Variants in GRK5 observed in about 807,000 individuals in gnomAD.
GRK5 encodes G protein-coupled receptor kinase 5.
In GRK5, 40 loss-of-function variants were observed where a neutral mutation model predicts 78.4. The ratio of observed to expected loss-of-function variants is 0.51; its 90% confidence interval spans 0.40 to 0.66. The LOEUF is 0.66. Among genes scored for constraint, GRK5 ranks in the 30% least tolerant of loss-of-function variants. The pLI, the probability that GRK5 is intolerant of heterozygous loss-of-function variation, is 0.00. For missense variants in GRK5, 598 were observed against 759.9 expected (o/e 0.79, Z 2.50); for synonymous variants, 289 against 296.8 (o/e 0.97, Z 0.27).
chr10:119,386,886 C>T (rs570859258), intron 3 of GRK5, among the ~76,000 whole-genome samples: 37 of 152,192 alleles, frequency 2.4e-4, no homozygotes, highest in Non-Finnish European at 4.3e-4. Context: ...ACTCGGCCAG[C>T]GCCATCCACG....
In GRK5 at chr10:119,281,584, CATCTTCTTCACAGGGAGGG is replaced by C. The variant is rs1215945341; in HGVS notation, c.53-44927_53-44909del. ...CTGTAATCAGCCTCTCCTGTGGTGGCATCTTCTTCACAGGGAGGGATCTGGCCGACCTCGGGTCTTAGCA... is the reference window on the plus strand; with the variant it reads ...CTGTAATCAGCCTCTCCTGTGGTGGCATCTGGCCGACCTCGGGTCTTAGCA... On this transcript the variant is annotated intron_variant, in intron 1 of 15. Coordinates refer to ENST00000392870, the MANE Select transcript of GRK5 (RefSeq NM_005308.3). Among the ~76,000 whole-genome samples, 29 of 152,316 alleles carry C rather than the reference CATCTTCTTCACAGGGAGGG, an allele frequency of 1.9e-4. No homozygotes were observed. The Middle Eastern group carries it at 0.01, about 54-fold the overall frequency.
chr10:119,250,344 A>G (rs1457275583), intron 1 of GRK5, among the ~76,000 whole-genome samples: 1 of 151,988 alleles, frequency 6.6e-6, no homozygotes, highest in Non-Finnish European at 1.5e-5. Flanking sequence ...CATTCTCCCT[A>G]ATTCCAGGAA....
chr10:119,387,655 A>G (rs1851823541), intron 3 of GRK5, among the ~76,000 whole-genome samples: 1 of 152,226 alleles, frequency 6.6e-6, no homozygotes, highest in African/African-American at 2.4e-5. Flanking sequence ...GGCATCTTGG[A>G]GACTGATGGA....
At chr10:119,416,940 T>A (rs776071689) in intron 4 of GRK5, among the ~76,000 whole-genome samples, 5 of 152,176 alleles carry the variant, frequency 3.3e-5, no homozygotes, top group Admixed American at 6.5e-5. Flanking sequence ...GAGGCCGTAC[T>A]CCTCTGGTCT....
At chr10:119,374,561 A>G (rs1246762293) in intron 2 of GRK5, among the ~76,000 whole-genome samples, 6 of 152,284 alleles carry the variant, frequency 3.9e-5, no homozygotes, top group Non-Finnish European at 5.9e-5. Context: ...CAGAGTTGGA[A>G]GTGAGTTGGC....
At chr10:119,426,267 G>A (rs1434438843) in intron 6 of GRK5, among the ~76,000 whole-genome samples, 1 of 152,254 alleles carries the variant, frequency 6.6e-6, no homozygotes, top group African/African-American at 2.4e-5. Context: ...TGCGGCCATG[G>A]ATGGGTGGTT....
intron 10 of GRK5, 34 bp downstream of exon 10, chr10:119,439,802 C>A (rs776746254): frequency 6.2e-7 from 1 of 1,602,266 alleles, no homozygotes; most frequent in Admixed American, 1.7e-5. Context: ...CTGAGGTGAG[C>A]ATTGCAACCC....
Position 119,453,244 on chromosome 10 carries a change from A to G in GRK5, c.1642A>G (p.Lys548Glu), listed in dbSNP as rs1383016435. The change falls in exon 15 of 16, where the codon AAA becomes GAA. Residue 548 changes from lysine (K) to glutamate (E), a missense_variant. Lys to Glu is a moderately conservative substitution (Grantham distance 56). Transcript: ENST00000392870. ...AAACCACCCTCCGGAACCGCCCAAG[A>G]AAGGGCTGCTCCAGAGACTCTTCAA... ...NRNHPPEPPK[K>E]GLLQRLFKRQ... 6.2e-7 allele frequency: 1 copy of G among 1,614,018 alleles called. No individual in the cohort carries two copies. The highest frequency in any genetic ancestry group is 1.7e-5 in the Admixed American group (1 of 60,022).
chr10:119,394,804 GGTGTGTGT>G (rs565278507), intron 3 of GRK5, among the ~76,000 whole-genome samples: 1 of 117,446 alleles, frequency 8.5e-6, no homozygotes, highest in Non-Finnish European at 1.8e-5. Flanking sequence ...TGGGTGTGTG[GGTGTGTGT>G]GTGGGTGTGT....
Position 119,425,076 on chromosome 10 carries a change from G to A in GRK5, c.524G>A (p.Trp175Ter). ...MFFDRFLQWK[W>*]LERQPVTKNT... ...TTTGACCGCTTTCTCCAGTGGAAGT[G>A]GTTGGAAAGGTGAGTCCACCACACC... Residue 175 changes from tryptophan to a stop codon, truncating the protein, a stop_gained, in exon 6 of 16, where the codon TGG (tryptophan) becomes TAG (stop). Coordinates refer to ENST00000392870, the MANE Select transcript of GRK5 (RefSeq NM_005308.3). LOFTEE classifies it high-confidence loss of function. 1 of 1,611,456 alleles carries A rather than the reference G, an allele frequency of 6.2e-7. No individual in the cohort carries two copies. Among genetic ancestry groups the A allele is most frequent in the Non-Finnish European group, 8.5e-7 (1 of 1,177,564 alleles).
chr10:119,288,998 C>A (rs1305203271), intron 1 of GRK5, among the ~76,000 whole-genome samples: 1 of 152,148 alleles, frequency 6.6e-6, no homozygotes, highest in Non-Finnish European at 1.5e-5. Flanking sequence ...TTCAAGATTT[C>A]AAAAAACATG....
At chr10:119,389,511 C>G (rs1300593219) in intron 3 of GRK5, among the ~76,000 whole-genome samples, 2 of 152,144 alleles carry the variant, frequency 1.3e-5, no homozygotes, top group Non-Finnish European at 2.9e-5. Flanking sequence ...TTATATAGTG[C>G]ACATCTGTGG....
intron 5 of GRK5, 104 bp from the exon 6 acceptor site, chr10:119,424,889 G>T: frequency 1.3e-6 from 1 of 794,772 alleles, no homozygotes; most frequent in East Asian, 2.5e-5. Context: ...TGCATGGGTT[G>T]AGAGGCCCTG....
chr10:119,441,011 C>T (rs1853021357), intron 10 of GRK5, among the ~76,000 whole-genome samples: 16 of 152,230 alleles, frequency 1.1e-4, no homozygotes, highest in Admixed American at 9.8e-4. Flanking sequence ...GGTCTCCTCC[C>T]ACCAGGCCCC....
At chr10:119,254,591 G>A (rs34578277) in intron 1 of GRK5, among the ~76,000 whole-genome samples, 1 of 151,846 alleles carries the variant, frequency 6.6e-6, no homozygotes. Flanking sequence ...GGAGTTGATG[G>A]CTGGGGCACG....
intron 1 of GRK5, among the ~76,000 whole-genome samples, chr10:119,295,801 T>TG (rs1400191953): frequency 1.3e-5 from 2 of 148,214 alleles, no homozygotes; most frequent in East Asian, 4.0e-4. Context: ...CAGGGACTTG[T>TG]GGGGAAGGGT....
rs138323998 is a variant in GRK5, at chr10:119,346,984, C to A, written c.148+20373C>A. Among the ~76,000 whole-genome samples the A allele has an allele frequency of 1.3e-3, 195 of 152,264 alleles. 2 individuals carry two copies. Among genetic ancestry groups the A allele is most frequent in the South Asian group, 0.012 (57 of 4,824 alleles). On this transcript the variant is annotated intron_variant, in intron 2 of 15. Transcript: ENST00000392870. ...AGACTGATTTGCTGTGTTTTGAGTT[C>A]ATTTTCTCCACCCAGGCATCAAGAT...
At chr10:119,236,212 C>T (rs932625664) in intron 1 of GRK5, among the ~76,000 whole-genome samples, 20 of 152,174 alleles carry the variant, frequency 1.3e-4, no homozygotes, top group Non-Finnish European at 5.9e-5. Context: ...GACCTACACA[C>T]TATTTTTTTT....
intron 1 of GRK5, among the ~76,000 whole-genome samples, chr10:119,325,957 C>T (rs996115148): frequency 6.6e-6 from 1 of 152,216 alleles, no homozygotes; most frequent in African/African-American, 2.4e-5. Context: ...AGGAGTCCCT[C>T]CTTCCTTCCA....
Sources: allele counts gnomAD v4.1 joint callset (sites outside exome capture counted in the v4.1 genomes callset), GRCh38; gene constraint gnomAD v4.1.1; transcripts MANE v1.5; gene names NCBI Gene and HGNC (gene_info 2026-07-23, HGNC 2026-07-21).